Variants in PAIP2B observed in about 807,000 individuals in gnomAD.
PAIP2B encodes the protein polyadenylate-binding protein-interacting protein 2B.
PAIP2B carries 13 observed loss-of-function variants against 17.0 expected under a neutral mutation model. The ratio of observed to expected loss-of-function variants is 0.76; its 90% CI spans 0.50 to 1.22. The LOEUF (loss-of-function observed/expected upper bound fraction) is 1.22. PAIP2B is among the 50% of genes most tolerant of loss of function. The probability of loss-of-function intolerance (pLI) is 0.00; values close to 1 mark genes in which losing one functional copy is unlikely to be tolerated. For missense variants in PAIP2B, 117 were observed against 144.5 expected, an observed-to-expected ratio of 0.81 and a Z score of 0.98; for synonymous variants, 43 against 48.7, an observed-to-expected ratio of 0.88 and a Z score of 0.48.
intron 1 of PAIP2B, among the ~76,000 whole-genome samples, chr2:71,208,546 A>C (rs1675199588): frequency 6.6e-6 from 1 of 151,992 alleles, no homozygotes; most frequent in Admixed American, 6.6e-5. Context: ...GAAAATACCG[A>C]ACCCAGTGTT....
chr2:71,213,710 G>A (rs1028418037), intron 1 of PAIP2B, among the ~76,000 whole-genome samples: 12 of 152,040 alleles, frequency 7.9e-5, no homozygotes, highest in African/African-American at 2.4e-4. Context: ...AAATTGCAAC[G>A]GTGAGACTTA....
At chr2:71,215,867 G>C (rs1264306916) in intron 1 of PAIP2B, among the ~76,000 whole-genome samples, 1 of 152,188 alleles carries the variant, frequency 6.6e-6, no homozygotes, top group African/African-American at 2.4e-5. Context: ...ATGTGTGTGT[G>C]TATCTATGTG....
chr2:71,209,674 T>C (rs534882026), intron 1 of PAIP2B, among the ~76,000 whole-genome samples: 1 of 152,234 alleles, frequency 6.6e-6, no homozygotes, highest in African/African-American at 2.4e-5. Flanking sequence ...CCTGGATTAA[T>C]GCATCAAACT....
intron 3 of PAIP2B, 64 bp downstream of exon 3, chr2:71,189,781 T>C (rs1476598868): frequency 1.4e-6 from 2 of 1,421,634 alleles, no homozygotes; most frequent in Non-Finnish European, 1.9e-6. Flanking sequence ...GGAAAGAAAG[T>C]CTGTCATTCC....
At chr2:71,195,677 C>T (rs35459600) in intron 2 of PAIP2B, among the ~76,000 whole-genome samples, 9,947 of 152,258 alleles carry the variant, frequency 0.065, 358 homozygotes, top group African/African-American at 0.088. Flanking sequence ...CTCGCTCTGT[C>T]ACCCAGGCTG....
chr2:71,220,177 G>T (rs929517419), intron 1 of PAIP2B, among the ~76,000 whole-genome samples: 2 of 152,132 alleles, frequency 1.3e-5, no homozygotes, highest in Non-Finnish European at 2.9e-5. Context: ...TGCCTCTCAT[G>T]AGGCCTCTAT....
chr2:71,225,562 T>C (rs1675699248), intron 1 of PAIP2B, among the ~76,000 whole-genome samples: 1 of 152,184 alleles, frequency 6.6e-6, no homozygotes, highest in African/African-American at 2.4e-5. Flanking sequence ...CACCCCGATA[T>C]ACAAGTAGCC....
chr2:71,216,695 G>A (rs1206814742), intron 1 of PAIP2B, among the ~76,000 whole-genome samples: 1 of 152,146 alleles, frequency 6.6e-6, no homozygotes, highest in African/African-American at 2.4e-5. Flanking sequence ...CTGGAATAGG[G>A]CCCAGCAATC....
chr2:71,216,112 C>A (rs1675423969), intron 1 of PAIP2B, among the ~76,000 whole-genome samples: 1 of 152,118 alleles, frequency 6.6e-6, no homozygotes, highest in South Asian at 2.1e-4. Flanking sequence ...GAAAAAGTTT[C>A]TCTTATTCTC....
intron 1 of PAIP2B, among the ~76,000 whole-genome samples, chr2:71,222,239 AAGCATATCTGT>A (rs1412302560): frequency 6.6e-6 from 1 of 152,136 alleles, no homozygotes; most frequent in Non-Finnish European, 1.5e-5. Context: ...ATACACAAAA[AAGCATATCTGT>A]AGCATATCTG....
intron 1 of PAIP2B, among the ~76,000 whole-genome samples, chr2:71,212,192 A>G (rs1221842634): frequency 6.6e-6 from 1 of 152,246 alleles, no homozygotes; most frequent in African/African-American, 2.4e-5. Context: ...TGTTTTTTAA[A>G]TGCATAATTA....
intron 2 of PAIP2B, among the ~76,000 whole-genome samples, chr2:71,195,948 CT>C (rs1220849419): frequency 6.6e-6 from 1 of 152,058 alleles, no homozygotes; most frequent in African/African-American, 2.4e-5. Context: ...ATTTCATTAA[CT>C]TTTTTCAAAA....
At chr2:71,195,658 A>G (rs1214474589) in intron 2 of PAIP2B, among the ~76,000 whole-genome samples, 5 of 151,934 alleles carry the variant, frequency 3.3e-5, no homozygotes, top group African/African-American at 1.2e-4. Context: ...TTTTTTCTTG[A>G]GATGAAGTCT....
At chr2:71,219,082 ATTTTTTTTTTT>A (rs568552077) in intron 1 of PAIP2B, among the ~76,000 whole-genome samples, 2 of 114,000 alleles carry the variant, frequency 1.8e-5, no homozygotes, top group Non-Finnish European at 3.5e-5. Flanking sequence ...CGCCTAGCTA[ATTTTTTTTTTT>A]TTTTTTTTTT....
chr2:71,202,329 G>T, intron 2 of PAIP2B, 123 bp downstream of exon 2: 1 of 1,290,552 alleles, frequency 7.7e-7, no homozygotes, highest in Non-Finnish European at 1.1e-6. Flanking sequence ...CCCCACCAAT[G>T]AATTTTTAAG....
intron 1 of PAIP2B, among the ~76,000 whole-genome samples, chr2:71,214,084 TC>T (rs1675369517): frequency 6.6e-6 from 1 of 152,194 alleles, no homozygotes; most frequent in African/African-American, 2.4e-5. Context: ...CAAGTGATCC[TC>T]CCACCTCATC....
At chr2:71,217,665 C>G (rs935024618) in intron 1 of PAIP2B, among the ~76,000 whole-genome samples, 1 of 152,122 alleles carries the variant, frequency 6.6e-6, no homozygotes, top group Middle Eastern at 3.2e-3. Context: ...TCCATCTGTT[C>G]AATATTAAAA....
intron 1 of PAIP2B, among the ~76,000 whole-genome samples, chr2:71,205,559 C>A (rs1490619515): frequency 2.0e-5 from 3 of 152,110 alleles, no homozygotes; most frequent in African/African-American, 7.2e-5. Context: ...TTGGATGTTT[C>A]CAACTTGGGG....
At chr2:71,196,955 G>A (rs1674837539) in intron 2 of PAIP2B, among the ~76,000 whole-genome samples, 1 of 152,230 alleles carries the variant, frequency 6.6e-6, no homozygotes, top group African/African-American at 2.4e-5. Flanking sequence ...ATTGGGTCTT[G>A]CTTTTTTACC....
Sources: gnomAD v4.1 joint callset for allele counts (sites outside exome capture counted in the v4.1 genomes callset) on GRCh38, gnomAD v4.1.1 for gene constraint, MANE v1.5 for transcripts, NCBI Gene and HGNC (gene_info 2026-07-23, HGNC 2026-07-21) for gene names.